The following CSMD1 variants were observed in gnomAD, a reference collection of about 807,000 sequenced individuals.
CSMD1 encodes CUB and sushi domain-containing protein 1.
CSMD1 carries 213 observed loss-of-function variants against 417.5 expected under a neutral mutation model. That is an observed-to-expected ratio of 0.51 (90% CI 0.46 to 0.57). CSMD1 has a LOEUF of 0.57. Among genes scored for constraint, CSMD1 ranks in the 20% least tolerant of loss-of-function variants. CSMD1 has a pLI of 0.00. For missense variants in CSMD1, 6,923 were observed against 4,529.7 expected (o/e 1.53, Z -15.17); for synonymous variants, 2,862 against 1,736.8 (o/e 1.65, Z -16.11).
intron 2 of CSMD1, among the ~76,000 whole-genome samples, chr8:4,542,766 C>T (rs1797450612): frequency 6.6e-6 from 1 of 151,964 alleles, no homozygotes; most frequent in Non-Finnish European, 1.5e-5. Flanking sequence ...ACAAAGTAAA[C>T]ATATGGTAGC....
chr8:3,041,704 T>C (rs1452830580), intron 50 of CSMD1, among the ~76,000 whole-genome samples: 1 of 152,216 alleles, frequency 6.6e-6, no homozygotes, highest in Non-Finnish European at 1.5e-5. Context: ...AACTGTTAAA[T>C]GAAAGATGAG....
At position 4,637,534 on chromosome 8, in the gene CSMD1, T is replaced by C. The variant is rs144908021; in HGVS notation, c.110A>G (p.Gln37Arg). 249 of 1,613,246 alleles carry C rather than the reference T, an allele frequency of 1.5e-4. No homozygotes were observed. In the East Asian group the frequency reaches 5.4e-3, roughly 35 times the overall value. The change falls in exon 2 of 70, where the codon CAG becomes CGG. Residue 37 changes from glutamine to arginine, a missense_variant. Transcript: ENST00000635120. ...AKGQNCGGLV[Q>R]GPNGTIESPG... ...GCTCTCAATAGTGCCATTGGGACCC[T>C]GGACTAAGCCTCCACAGTTCTGACC...
intron 3 of CSMD1, among the ~76,000 whole-genome samples, chr8:4,063,682 A>G (rs1330135030): frequency 2.0e-5 from 3 of 152,194 alleles, no homozygotes; most frequent in Non-Finnish European, 4.4e-5. Context: ...AGGAAGGATA[A>G]GCATGGACCA....
intron 3 of CSMD1, among the ~76,000 whole-genome samples, chr8:4,227,452 T>C (rs73186107): frequency 0.039 from 5,903 of 152,212 alleles, 130 homozygotes; most frequent in East Asian, 0.094. Flanking sequence ...GTGTATGACA[T>C]TCAGAACAAG....
At chr8:4,722,542 T>C (rs1367153244) in intron 1 of CSMD1, among the ~76,000 whole-genome samples, 2 of 152,052 alleles carry the variant, frequency 1.3e-5, no homozygotes, top group East Asian at 1.9e-4. Flanking sequence ...CTGAATGGGG[T>C]AGAACTTTCC....
At chr8:4,006,110 G>A (rs1033746028) in intron 4 of CSMD1, among the ~76,000 whole-genome samples, 3 of 152,164 alleles carry the variant, frequency 2.0e-5, no homozygotes, top group South Asian at 2.1e-4. Flanking sequence ...CACCATGTCC[G>A]AGGAGACTTG....
chr8:3,897,539 G>C (rs573296311), intron 5 of CSMD1, among the ~76,000 whole-genome samples: 1 of 151,410 alleles, frequency 6.6e-6, no homozygotes, highest in African/African-American at 2.4e-5. Flanking sequence ...TACACTATAA[G>C]TTATATAAAT....
At chr8:3,287,452 T>C (rs1803244792) in intron 25 of CSMD1, among the ~76,000 whole-genome samples, 1 of 152,192 alleles carries the variant, frequency 6.6e-6, no homozygotes, top group Non-Finnish European at 1.5e-5. Flanking sequence ...TGTTCTTCCA[T>C]TTGTTTGTAT....
At chr8:4,953,859 T>C (rs1808905943) in intron 1 of CSMD1, among the ~76,000 whole-genome samples, 1 of 152,122 alleles carries the variant, frequency 6.6e-6, no homozygotes, top group Non-Finnish European at 1.5e-5. Context: ...CAAATGCAGG[T>C]TGCAGGACTC....
chr8:2,978,856 A>G (rs1805162291), intron 54 of CSMD1, 56 bp from the exon 55 acceptor site: 26 of 1,430,494 alleles, frequency 1.8e-5, no homozygotes, highest in Non-Finnish European at 2.4e-5. Flanking sequence ...TAACAACAAA[A>G]TAGATCAGAA....
chr8:4,056,173 T>G (rs1238410802), intron 3 of CSMD1, among the ~76,000 whole-genome samples: 1 of 147,760 alleles, frequency 6.8e-6, no homozygotes, highest in African/African-American at 2.5e-5. Context: ...CCTCTGCCTC[T>G]TGGGTTCGAG....
At chr8:4,742,187 C>A (rs1055993457) in intron 1 of CSMD1, among the ~76,000 whole-genome samples, 2 of 151,192 alleles carry the variant, frequency 1.3e-5, no homozygotes, top group East Asian at 2.0e-4. Flanking sequence ...CCCGCCACCA[C>A]GCCCGGCTAA....
chr8:4,896,860 C>G (rs1042152416), intron 1 of CSMD1, among the ~76,000 whole-genome samples: 15 of 151,970 alleles, frequency 9.9e-5, no homozygotes, highest in African/African-American at 3.6e-4. Context: ...GCAGCAGCTG[C>G]CGGGAACACT....
intron 1 of CSMD1, among the ~76,000 whole-genome samples, chr8:4,681,082 T>C (rs1806021808): frequency 6.6e-6 from 1 of 151,906 alleles, no homozygotes; most frequent in Non-Finnish European, 1.5e-5. Context: ...GGCTACGTAA[T>C]GAAAAATAAT....
intron 3 of CSMD1, among the ~76,000 whole-genome samples, chr8:4,324,066 C>G (rs889274253): frequency 2.6e-5 from 4 of 152,136 alleles, no homozygotes; most frequent in Admixed American, 2.6e-4. Flanking sequence ...TTACCCGAGG[C>G]CAAGCTTAGA....
intron 5 of CSMD1, among the ~76,000 whole-genome samples, chr8:3,974,958 T>G (rs1287073520): frequency 1.3e-5 from 2 of 152,208 alleles, no homozygotes; most frequent in African/African-American, 4.8e-5. Context: ...CTAACACCTG[T>G]TAAGAATCCA....
At chr8:4,816,802 G>C (rs1460320088) in intron 1 of CSMD1, among the ~76,000 whole-genome samples, 2 of 152,140 alleles carry the variant, frequency 1.3e-5, no homozygotes, top group African/African-American at 2.4e-5. Flanking sequence ...AGATGGGAGA[G>C]ATGTCACAGA....
chr8:4,388,560 T>A (rs1373729440), intron 3 of CSMD1, among the ~76,000 whole-genome samples: 1 of 124,168 alleles, frequency 8.1e-6, no homozygotes, highest in Non-Finnish European at 1.7e-5. Context: ...GGGGGAAGGG[T>A]GGGGGGGTGA....
At position 3,392,912 on chromosome 8, in the gene CSMD1, T is replaced by G. The variant is rs181920254; in HGVS notation, c.2593+3282A>C. On this transcript the variant is annotated intron_variant, in intron 17 of 69. Coordinates refer to ENST00000635120, the MANE Select transcript of CSMD1 (RefSeq NM_033225.6). Reference sequence around the variant, plus strand: ...TGGTATTCAGGCATTGGTTTTATTTTAAACCCCGCAGGTAACCCTTAGGTG... The same window carrying G: ...TGGTATTCAGGCATTGGTTTTATTTGAAACCCCGCAGGTAACCCTTAGGTG... 1.3e-4 allele frequency among the ~76,000 whole-genome samples: 20 copies of G among 152,174 alleles called. No individual in the cohort carries two copies. In the East Asian group the frequency reaches 3.7e-3, roughly 28 times the overall value.
Sources: gnomAD v4.1 joint callset for allele counts (sites outside exome capture counted in the v4.1 genomes callset) on GRCh38, gnomAD v4.1.1 for gene constraint, MANE v1.5 for transcripts, NCBI Gene and HGNC (gene_info 2026-07-23, HGNC 2026-07-21) for gene names.